Variants in DLG2 observed in about 807,000 individuals in gnomAD.
The protein encoded by DLG2 is discs large MAGUK scaffold protein 2, also known as disks large homolog 2.
In DLG2, 45 loss-of-function variants were observed where a neutral mutation model predicts 132.5. That is an observed-to-expected ratio of 0.34 (90% CI 0.27 to 0.44). The LOEUF (loss-of-function observed/expected upper bound fraction) is 0.44. Among genes scored for constraint, DLG2 ranks in the 20% least tolerant of loss-of-function variants. DLG2 has a pLI of 1.00. For synonymous variants in DLG2, 424 were observed against 419.6 expected (o/e 1.01, Z -0.13); for missense variants, 1,045 against 1,196.9 (o/e 0.87, Z 1.87).
At chr11:85,150,299 C>T (rs11600615) in intron 5 of DLG2, among the ~76,000 whole-genome samples, 11,495 of 151,988 alleles carry the variant, frequency 0.076, 687 homozygotes, top group East Asian at 0.26. Context: ...GGATTACAGG[C>T]GTGAGCCACC....
At chr11:85,096,820 TAA>T (rs1244226215) in intron 6 of DLG2, among the ~76,000 whole-genome samples, 17 of 152,130 alleles carry the variant, frequency 1.1e-4, no homozygotes, top group African/African-American at 4.1e-4. Context: ...GTCGACCAGT[TAA>T]AAGAGATTAG....
intron 18 of DLG2, chr11:83,645,779 T>G (rs2067978215): frequency 6.6e-6 from 1 of 152,064 alleles, no homozygotes; most frequent in African/African-American, 2.4e-5. Context: ...GGCTAAAAAT[T>G]TGGGAGATGC....
At chr11:83,885,142 C>G (rs190212258) in intron 15 of DLG2, among the ~76,000 whole-genome samples, 2 of 152,284 alleles carry the variant, frequency 1.3e-5, no homozygotes, top group African/African-American at 2.4e-5. Context: ...GAGCATCAAA[C>G]TACTCCAAGC....
At chr11:84,789,556 A>T (rs1169865074) in intron 6 of DLG2, among the ~76,000 whole-genome samples, 2 of 152,260 alleles carry the variant, frequency 1.3e-5, no homozygotes, top group East Asian at 3.9e-4. Flanking sequence ...CTTGTGTTAC[A>T]AACAATCGAA....
chr11:83,525,467 A>T (rs1030970082), intron 21 of DLG2, among the ~76,000 whole-genome samples: 1 of 152,244 alleles, frequency 6.6e-6, no homozygotes, highest in Non-Finnish European at 1.5e-5. Context: ...TATACATAAA[A>T]ATATAAGACC....
At chr11:84,710,101 A>G (rs1293046406) in intron 6 of DLG2, among the ~76,000 whole-genome samples, 1 of 151,958 alleles carries the variant, frequency 6.6e-6, no homozygotes, top group Admixed American at 6.6e-5. Context: ...CCAAATGAAT[A>G]GCGTATAGAT....
At chr11:83,938,726 G>A (rs1591448583) in intron 14 of DLG2, among the ~76,000 whole-genome samples, 1 of 152,064 alleles carries the variant, frequency 6.6e-6, no homozygotes. Flanking sequence ...TTTGTTTGTT[G>A]AACAAACATT....
chr11:84,574,001 A>G (rs1362239806), intron 6 of DLG2, among the ~76,000 whole-genome samples: 1 of 152,168 alleles, frequency 6.6e-6, no homozygotes, highest in Non-Finnish European at 1.5e-5. Context: ...ATTTCACAGA[A>G]AGGAAGTAAG....
chr11:83,491,583 C>T (rs959420535), intron 21 of DLG2, among the ~76,000 whole-genome samples: 7 of 151,990 alleles, frequency 4.6e-5, no homozygotes, highest in African/African-American at 1.7e-4. Context: ...CAGTAAAAAG[C>T]TCAGGTAACC....
chr11:85,297,980 A>G (rs2079347922), intron 3 of DLG2, among the ~76,000 whole-genome samples: 1 of 152,114 alleles, frequency 6.6e-6, no homozygotes, highest in South Asian at 2.1e-4. Flanking sequence ...CGCCCATGTG[A>G]TGGGAAGGGA....
chr11:83,926,316 G>T (rs60054987), intron 15 of DLG2, among the ~76,000 whole-genome samples: 3,736 of 152,198 alleles, frequency 0.025, 154 homozygotes, highest in African/African-American at 0.085. Context: ...TGTAAGGATG[G>T]TTTCACATGC....
chr11:84,093,854 A>G (rs1220945837), intron 10 of DLG2, among the ~76,000 whole-genome samples: 2 of 152,060 alleles, frequency 1.3e-5, no homozygotes, highest in African/African-American at 4.8e-5. Flanking sequence ...ATCTCAAGTT[A>G]TCCACCTGCC....
At chr11:85,169,912 G>T (rs1399165677) in intron 4 of DLG2, among the ~76,000 whole-genome samples, 1 of 151,846 alleles carries the variant, frequency 6.6e-6, no homozygotes, top group Non-Finnish European at 1.5e-5. Flanking sequence ...TATACTTTTG[G>T]GTATCATTTT....
rs560406437 is a variant in DLG2, at chr11:84,468,224, T to A, written c.519+66346A>T. ...AAGGAGGAGATTGGGTATGCCTTAT[T>A]GGGTTGAGTGGATAACTTTGGGTTT... On this transcript the variant is annotated intron_variant, in intron 7 of 27. Coordinates refer to ENST00000376104, the MANE Select transcript of DLG2 (RefSeq NM_001142699.3). Among the ~76,000 whole-genome samples the A allele has an allele frequency of 9.2e-5, 14 of 151,602 alleles. No individual in the cohort carries two copies. The South Asian group carries it at 2.9e-3, about 32-fold the overall frequency.
intron 5 of DLG2, among the ~76,000 whole-genome samples, chr11:85,136,469 G>C (rs2076151198): frequency 6.6e-6 from 1 of 151,960 alleles, no homozygotes; most frequent in Non-Finnish European, 1.5e-5. Flanking sequence ...ACAAGGTATT[G>C]ACATGAAGCA....
At chr11:85,202,906 A>G (rs2081572019) in intron 4 of DLG2, among the ~76,000 whole-genome samples, 1 of 151,776 alleles carries the variant, frequency 6.6e-6, no homozygotes, top group Non-Finnish European at 1.5e-5. Flanking sequence ...GCAGTACTCT[A>G]AGGGAAATAT....
rs543741540 is a variant in DLG2 at position 85,014,670 on chromosome 11, G to A, written c.357+96991C>T. 6.6e-5 allele frequency among the ~76,000 whole-genome samples: 10 copies of A among 152,174 alleles called. No individual in the cohort carries two copies. In the South Asian group the frequency reaches 1.9e-3, roughly 28 times the overall value. ...TTAACCCTCCAGAAGAAGAGAACTG[G>A]TAAGTAAAATGATTCATACTTCAAA... On this transcript the variant is annotated intron_variant, in intron 6 of 27. Transcript: ENST00000376104.
intron 5 of DLG2, among the ~76,000 whole-genome samples, chr11:85,123,053 C>T (rs1275479439): frequency 7.0e-6 from 1 of 142,472 alleles, no homozygotes; most frequent in African/African-American, 2.6e-5. Flanking sequence ...TCTCGGCTCA[C>T]TGCAAGCTCC....
At chr11:83,470,635 T>C (rs1444367343) in intron 24 of DLG2, among the ~76,000 whole-genome samples, 1 of 152,182 alleles carries the variant, frequency 6.6e-6, no homozygotes, top group Non-Finnish European at 1.5e-5. Context: ...TCTGAAGACT[T>C]TCTCAGGATA....
Sources: gnomAD v4.1 joint callset for allele counts (sites outside exome capture counted in the v4.1 genomes callset) on GRCh38, gnomAD v4.1.1 for gene constraint, MANE v1.5 for transcripts, NCBI Gene and HGNC (gene_info 2026-07-23, HGNC 2026-07-21) for gene names.